Variants in WDR44 observed in about 807,000 individuals in gnomAD.
The protein encoded by WDR44 is WD repeat domain 44.
A neutral mutation model predicts 65.7 loss-of-function variants in WDR44; 9 were observed. The observed-to-expected ratio is 0.14, with a 90% confidence interval of 0.08 to 0.24. The LOEUF (loss-of-function observed/expected upper bound fraction) is 0.24. Among genes scored for constraint, WDR44 ranks in the 10% least tolerant of loss-of-function variants. The pLI, the probability that WDR44 is intolerant of heterozygous loss-of-function variation, is 1.00. For synonymous variants in WDR44, 220 were observed against 235.2 expected (o/e 0.94, Z 0.59); for missense variants, 425 against 670.9 (o/e 0.63, Z 4.05).
chrX:118,382,511 C>G (rs763259044), intron 2 of WDR44, among the ~76,000 whole-genome samples: 6 of 112,119 alleles, frequency 5.4e-5, no homozygotes, highest in Non-Finnish European at 9.4e-5. Flanking sequence ...AAAAATTTCA[C>G]TTTAGTAGCT....
intron 14 of WDR44, among the ~76,000 whole-genome samples, chrX:118,437,868 T>C (rs1440225755): frequency 2.7e-5 from 3 of 110,419 alleles, no homozygotes; most frequent in Admixed American, 9.7e-5. Flanking sequence ...AAACATTGTC[T>C]CTACTAAAAA....
intron 2 of WDR44, among the ~76,000 whole-genome samples, chrX:118,381,035 A>C (rs914557598): frequency 1.8e-5 from 2 of 112,264 alleles, no homozygotes; most frequent in African/African-American, 3.2e-5. Flanking sequence ...ACTGGAAAAT[A>C]AATTGAGGCC....
chrX:118,424,323 G>GTGTGTGTATATATATATATATA (rs1289349202), intron 12 of WDR44, among the ~76,000 whole-genome samples: 10 of 65,552 alleles, frequency 1.5e-4, no homozygotes, highest in African/African-American at 8.9e-4. Context: ...GTGTGTGTGT[G>GTGTGTGTATATATATATATATA]TATATATATA....
chrX:118,352,326 A>G (rs866754659), intron 1 of WDR44, among the ~76,000 whole-genome samples: 1 of 12,737 alleles, frequency 7.9e-5, no homozygotes, highest in South Asian at 4.7e-3. Flanking sequence ...ATTTATATAT[A>G]TATATATATA....
At position 118,423,779 on chromosome X, in the gene WDR44, C is replaced by T. The variant is rs761182916; in HGVS notation, c.1738-9002C>T. Among the ~76,000 whole-genome samples the T allele has an allele frequency of 2.6e-3, 295 of 111,928 alleles. 1 individual carries two copies. Among genetic ancestry groups the T allele is most frequent in the Non-Finnish European group, 4.1e-3 (220 of 53,209 alleles). ...CCTGTTTCGCCAGCCCCAAGGCCCT[C>T]GCAATCACTGTTCTACTCTGCTTCT... On this transcript the variant is annotated intron_variant, in intron 12 of 19. Transcript: ENST00000254029.
chrX:118,353,896 G>A (rs1453497284), intron 1 of WDR44, among the ~76,000 whole-genome samples: 1 of 112,184 alleles, frequency 8.9e-6, no homozygotes, highest in African/African-American at 3.2e-5. Context: ...AGAATGTTTG[G>A]CCTTTAGATT....
intron 1 of WDR44, among the ~76,000 whole-genome samples, chrX:118,363,555 A>G (rs767776062): frequency 1.1e-4 from 12 of 111,499 alleles, no homozygotes; most frequent in African/African-American, 3.9e-4. Context: ...CCTCTAAGGG[A>G]GCAGCAAGCA....
intron 1 of WDR44, among the ~76,000 whole-genome samples, chrX:118,378,101 A>G: frequency 9.1e-6 from 1 of 110,034 alleles, no homozygotes; most frequent in Non-Finnish European, 1.9e-5. Context: ...GATTATAGGC[A>G]CGCACCACCA....
chrX:118,352,336 A>T (rs1602849361), intron 1 of WDR44, among the ~76,000 whole-genome samples: 2 of 17,554 alleles, frequency 1.1e-4, no homozygotes, highest in African/African-American at 1.1e-3. Flanking sequence ...ATATATATAT[A>T]TATATATATA....
chrX:118,419,279 C>A (rs1037307623), intron 12 of WDR44, among the ~76,000 whole-genome samples: 9 of 111,806 alleles, frequency 8.0e-5, no homozygotes, highest in Non-Finnish European at 5.6e-5. Context: ...ATTCCTCTGG[C>A]TGCCCTCCCG....
rs763935402 is a variant in WDR44 at position 118,346,563 on chromosome X, G to T, written c.60G>T (p.Gly20=). 3 of 1,196,091 alleles carry T rather than the reference G, an allele frequency of 2.5e-6. No individual in the cohort carries two copies. The East Asian group carries it at 9.2e-5, about 37-fold the overall frequency. The stretch of plus-strand genomic sequence containing the variant: ...ATGCCCCTGAAGATGTGCACCTAGG[G>T]GGCGGCTACCCCGTGGGGTAAGTGA... ...FYDAPEDVHL[G]GGYPVGSPGK... The change falls in exon 1 of 20, where the codon GGG becomes GGT. Residue 20 remains glycine, a synonymous_variant. Coordinates refer to ENST00000254029, the MANE Select transcript of WDR44 (RefSeq NM_019045.5).
intron 6 of WDR44, among the ~76,000 whole-genome samples, chrX:118,396,684 C>T (rs1212276473): frequency 8.9e-6 from 1 of 111,755 alleles, no homozygotes; most frequent in Non-Finnish European, 1.9e-5. Context: ...GGTGTGACTG[C>T]TAATGGGTAG....
At chrX:118,365,340 G>A (rs144098005) in intron 1 of WDR44, among the ~76,000 whole-genome samples, 1,481 of 110,502 alleles carry the variant, frequency 0.013, 31 homozygotes, top group African/African-American at 0.046. Flanking sequence ...CATTGTTCTA[G>A]CCCATTGAAA....
chrX:118,409,360 C>G (rs1169459285), intron 10 of WDR44, 129 bp from the exon 11 acceptor site: 1 of 647,344 alleles, frequency 1.5e-6, no homozygotes, highest in Non-Finnish European at 2.3e-6. Flanking sequence ...GAACTCCTGA[C>G]CTTAGGTGAT....
chrX:118,350,321 G>A (rs2056393967), intron 1 of WDR44, among the ~76,000 whole-genome samples: 2 of 111,558 alleles, frequency 1.8e-5, no homozygotes, highest in Non-Finnish European at 3.8e-5. Context: ...TCTAGAACCC[G>A]GATCAGTTTG....
chrX:118,395,477 C>G (rs2056857936), intron 6 of WDR44, 133 bp downstream of exon 6: 1 of 425,644 alleles, frequency 2.3e-6, no homozygotes, highest in Non-Finnish European at 3.8e-6. Context: ...TGACCCAGAA[C>G]TATACACTTA....
At chrX:118,382,757 A>G (rs1167125046) in intron 2 of WDR44, among the ~76,000 whole-genome samples, 2 of 112,076 alleles carry the variant, frequency 1.8e-5, no homozygotes, top group Non-Finnish European at 3.8e-5. Flanking sequence ...GGTAACTGTT[A>G]CATGAATTGC....
chrX:118,404,203 T>C, intron 8 of WDR44, 135 bp from the exon 9 acceptor site: 1 of 443,026 alleles, frequency 2.3e-6, no homozygotes. Flanking sequence ...GATTTGGAAC[T>C]CAAACACCTA....
intron 8 of WDR44, among the ~76,000 whole-genome samples, chrX:118,403,484 T>C (rs1435532544): frequency 3.5e-5 from 3 of 84,683 alleles, no homozygotes; most frequent in Non-Finnish European, 6.0e-5. Flanking sequence ...CACTTATTTA[T>C]CTGTTCCTCT....
Sources: gnomAD v4.1 joint callset for allele counts (sites outside exome capture counted in the v4.1 genomes callset) on GRCh38, gnomAD v4.1.1 for gene constraint, MANE v1.5 for transcripts, NCBI Gene and HGNC (gene_info 2026-07-23, HGNC 2026-07-21) for gene names.